NELL1: variants seen among roughly 807,000 people sequenced by gnomAD.
NELL1 encodes the protein neural EGFL like 1.
In NELL1, 76 loss-of-function variants were observed where a neutral mutation model predicts 107.4. The ratio of observed to expected loss-of-function variants is 0.71; its 90% confidence interval spans 0.59 to 0.86. The LOEUF (loss-of-function observed/expected upper bound fraction) is 0.86. Among genes scored for constraint, NELL1 ranks in the 40% least tolerant of loss-of-function variants. The pLI, the probability that NELL1 is intolerant of heterozygous loss-of-function variation, is 0.00. For synonymous variants in NELL1, 353 were observed against 341.2 expected (o/e 1.03, Z -0.38); for missense variants, 1,024 against 1,005.5 (o/e 1.02, Z -0.25).
At position 21,489,298 on chromosome 11, in the gene NELL1, C is replaced by CAAAG. The variant is rs148358391; in HGVS notation, c.1646-45073_1646-45072insGAAA. The stretch of plus-strand genomic sequence containing the variant: ...GAATCAGTAATATAAAGTCTCCTAA[C>CAAAG]AAAAGCCCAGGACCTGGTGGATTCA... On this transcript the variant is annotated intron_variant, in intron 15 of 19. Coordinates refer to ENST00000357134, the MANE Select transcript of NELL1 (RefSeq NM_006157.5). 0.023 allele frequency among the ~76,000 whole-genome samples: 3,109 copies of CAAAG among 136,246 alleles called. 281 individuals are homozygous for CAAAG. In the East Asian group the frequency reaches 0.31, roughly 14 times the overall value. 89.4% of individuals were successfully genotyped at this position (136,246 alleles called of 152,430 possible).
chr11:20,899,683 A>G (rs1190224521), intron 5 of NELL1, among the ~76,000 whole-genome samples: 2 of 152,150 alleles, frequency 1.3e-5, no homozygotes, highest in African/African-American at 4.8e-5. Context: ...AAGAAAGCCA[A>G]AATTTGATCA....
chr11:20,862,272 C>G (rs1272321944), intron 4 of NELL1, among the ~76,000 whole-genome samples: 1 of 146,158 alleles, frequency 6.8e-6, no homozygotes, highest in Non-Finnish European at 1.5e-5. Flanking sequence ...ATACCAGTAT[C>G]TGGTTATTCA....
intron 2 of NELL1, among the ~76,000 whole-genome samples, chr11:20,774,264 TTC>T (rs1313147571): frequency 3.6e-4 from 49 of 135,552 alleles, no homozygotes; most frequent in Middle Eastern, 3.6e-3. Flanking sequence ...CCATCTTCTC[TTC>T]TCTCCTTCCT....
intron 13 of NELL1, among the ~76,000 whole-genome samples, chr11:21,187,370 G>C (rs1307880768): frequency 6.6e-6 from 1 of 151,766 alleles, no homozygotes; most frequent in African/African-American, 2.4e-5. Context: ...GCTAGAAAAG[G>C]GTGGAAGATG....
At position 20,947,379 on chromosome 11, in the gene NELL1, A is replaced by G; in HGVS notation, c.1115A>G (p.Asn372Ser). The stretch of plus-strand genomic sequence containing the variant: ...ATTACAGAAATGTGTCCTCCTTTGA[A>G]CTGCTCAGAAAAGGATCACATTCTT... ...VKITEMCPPL[N>S]CSEKDHILPE... The change falls in exon 11 of 20, where the codon AAC becomes AGC. Residue 372 changes from asparagine (N) to serine (S), a missense_variant. Coordinates refer to ENST00000357134, the MANE Select transcript of NELL1 (RefSeq NM_006157.5). 1 of 1,614,068 alleles carries G rather than the reference A, an allele frequency of 6.2e-7. No homozygotes were observed. Among genetic ancestry groups the G allele is most frequent in the Non-Finnish European group, 8.5e-7 (1 of 1,179,974 alleles).
chr11:20,954,208 A>G (rs547661712), intron 11 of NELL1, among the ~76,000 whole-genome samples: 17 of 152,346 alleles, frequency 1.1e-4, no homozygotes, highest in African/African-American at 3.6e-4. Context: ...ATGTATGTAA[A>G]ACACTTAGCC....
intron 13 of NELL1, among the ~76,000 whole-genome samples, chr11:21,225,286 C>G (rs1419284005): frequency 2.6e-5 from 4 of 152,154 alleles, no homozygotes; most frequent in Non-Finnish European, 5.9e-5. Flanking sequence ...TTTTCCCTCT[C>G]AGGAAATATG....
Position 21,101,495 on chromosome 11 carries a change from C to A in NELL1, c.1301-12094C>A, listed in dbSNP as rs1335255854. Among the ~76,000 whole-genome samples, 6 of 152,164 alleles carry A rather than the reference C, an allele frequency of 3.9e-5. No individual in the cohort carries two copies. In the East Asian group the frequency reaches 1.2e-3, roughly 29 times the overall value. On this transcript the variant is annotated intron_variant, in intron 12 of 19. Transcript: ENST00000357134. The stretch of plus-strand genomic sequence containing the variant: ...TCCTATTTCTCCACATCCTCTCCAG[C>A]ACCTGTTGTTTCCTGACTTTTTAAT...
chr11:21,463,866 A>C (rs993232807), intron 15 of NELL1, among the ~76,000 whole-genome samples: 2 of 152,078 alleles, frequency 1.3e-5, no homozygotes, highest in African/African-American at 4.8e-5. Flanking sequence ...TCTAACCTGG[A>C]TGTGACTTGA....
At chr11:20,764,438 G>T (rs531574156) in intron 2 of NELL1, among the ~76,000 whole-genome samples, 1 of 152,248 alleles carries the variant, frequency 6.6e-6, no homozygotes, top group South Asian at 2.1e-4. Flanking sequence ...ACACCAACAT[G>T]CTGAGGCTGC....
chr11:21,401,244 T>C (rs1319830866), intron 15 of NELL1, among the ~76,000 whole-genome samples: 1 of 151,838 alleles, frequency 6.6e-6, no homozygotes. Flanking sequence ...TCAGCCTAAG[T>C]TCCTTGGGAA....
chr11:21,465,630 T>A (rs1010134774), intron 15 of NELL1, among the ~76,000 whole-genome samples: 1 of 152,104 alleles, frequency 6.6e-6, no homozygotes. Context: ...TTTTTAAAAA[T>A]TATTATTCCT....
At chr11:21,538,945 T>C (rs1392283038) in intron 16 of NELL1, among the ~76,000 whole-genome samples, 1 of 152,150 alleles carries the variant, frequency 6.6e-6, no homozygotes, top group Non-Finnish European at 1.5e-5. Context: ...TATTCTGCTC[T>C]TCCTAAATCC....
chr11:20,819,037 A>G (rs1171496800), intron 3 of NELL1, among the ~76,000 whole-genome samples: 2 of 152,218 alleles, frequency 1.3e-5, no homozygotes, highest in Non-Finnish European at 2.9e-5. Flanking sequence ...CTCAGAGTCA[A>G]ACCCAGGTAT....
intron 12 of NELL1, among the ~76,000 whole-genome samples, chr11:21,021,307 G>A (rs574087804): frequency 3.1e-4 from 47 of 152,024 alleles, no homozygotes; most frequent in African/African-American, 1.1e-3. Flanking sequence ...TGAATATGAA[G>A]AGAGCTTTAA....
chr11:21,254,828 G>T (rs1454005), intron 14 of NELL1, among the ~76,000 whole-genome samples: 3,452 of 152,194 alleles, frequency 0.023, 66 homozygotes, highest in East Asian at 0.097. Context: ...GCTGTGCCGA[G>T]ATGGCCACTG....
intron 12 of NELL1, among the ~76,000 whole-genome samples, chr11:21,094,439 G>A (rs373682489): frequency 8.5e-5 from 13 of 152,274 alleles, no homozygotes; most frequent in African/African-American, 2.6e-4. Flanking sequence ...ATGGTGTGGC[G>A]CTCTTCTCAC....
intron 4 of NELL1, among the ~76,000 whole-genome samples, chr11:20,854,135 G>C (rs553871040): frequency 3.3e-5 from 5 of 152,256 alleles, no homozygotes; most frequent in Admixed American, 1.3e-4. Context: ...AAGCCCACAT[G>C]GATGAGCAAA....
At chr11:21,419,282 C>A (rs1318348814) in intron 15 of NELL1, among the ~76,000 whole-genome samples, 2 of 152,152 alleles carry the variant, frequency 1.3e-5, no homozygotes, top group Admixed American at 6.6e-5. Context: ...CCAAACTGAT[C>A]TTTTATCCTT....
Sources: gnomAD v4.1 joint callset for allele counts (sites outside exome capture counted in the v4.1 genomes callset) on GRCh38, gnomAD v4.1.1 for gene constraint, MANE v1.5 for transcripts, NCBI Gene and HGNC (gene_info 2026-07-23, HGNC 2026-07-21) for gene names.